Variants in ME2 observed in about 807,000 individuals in gnomAD.
The protein encoded by ME2 is NAD-dependent malic enzyme, mitochondrial.
Under a neutral mutation model 73.7 loss-of-function variants are expected in ME2, and 60 were observed. The ratio of observed to expected loss-of-function variants is 0.81; its 90% confidence interval spans 0.66 to 1.01. The LOEUF (loss-of-function observed/expected upper bound fraction) is 1.01. ME2 is among the 50% of genes least tolerant of loss of function. ME2 has a pLI of 0.00. For synonymous variants in ME2, 199 were observed against 236.9 expected, an observed-to-expected ratio of 0.84 and a Z score of 1.47; for missense variants, 594 against 705.5, an observed-to-expected ratio of 0.84 and a Z score of 1.79.
In ME2 at chr18:50,894,274, C is replaced by A. The variant is rs560863787; in HGVS notation, c.-12-1535C>A. Among the ~76,000 whole-genome samples the A allele has an allele frequency of 2.0e-5, 3 of 152,328 alleles. No individual in the cohort carries two copies. In the East Asian group the frequency reaches 5.8e-4, roughly 29 times the overall value. ...TGATCAAGCAACACATTTAAAACAT[C>A]CCTTTTTGGCCGGGCGCGGTGGCCC... On this transcript the variant is annotated intron_variant, in intron 1 of 15. Coordinates refer to ENST00000321341, the MANE Select transcript of ME2 (RefSeq NM_002396.5).
chr18:50,933,596 A>G (rs1404404007), intron 13 of ME2: 4 of 152,122 alleles, frequency 2.6e-5, no homozygotes, highest in Admixed American at 6.5e-5. Context: ...TAACATTTCT[A>G]TGGCCTAAAA....
chr18:50,907,985 T>A (rs1017762114), intron 2 of ME2, 78 bp from the exon 3 acceptor site: 20 of 1,131,196 alleles, frequency 1.8e-5, no homozygotes, highest in Non-Finnish European at 2.3e-5. Flanking sequence ...AATTTGCATT[T>A]AAATTATATT....
intron 13 of ME2, among the ~76,000 whole-genome samples, chr18:50,937,069 G>A (rs1429195090): frequency 1.3e-5 from 2 of 151,570 alleles, no homozygotes; most frequent in Admixed American, 6.6e-5. Flanking sequence ...AATCCGAAAA[G>A]CAAGAAAAAA....
chr18:50,908,360 T>G (rs1208556097), intron 3 of ME2, among the ~76,000 whole-genome samples, 164 bp downstream of exon 3: 2 of 152,252 alleles, frequency 1.3e-5, no homozygotes, highest in Non-Finnish European at 2.9e-5. Context: ...CGGTGAATAC[T>G]TCACAAGTAT....
intron 10 of ME2, among the ~76,000 whole-genome samples, chr18:50,922,992 G>C (rs1263150649): frequency 3.9e-5 from 6 of 152,154 alleles, no homozygotes; most frequent in African/African-American, 1.4e-4. Flanking sequence ...TTTGCATTCA[G>C]TATGTTTTTG....
Position 50,892,041 on chromosome 18 carries a change from G to A in ME2, c.-12-3768G>A, listed in dbSNP as rs187941151. On this transcript the variant is annotated intron_variant, in intron 1 of 15. Coordinates refer to ENST00000321341, the MANE Select transcript of ME2 (RefSeq NM_002396.5). The stretch of plus-strand genomic sequence containing the variant: ...TCACCATATTGACCATGCTGGTCTC[G>A]AACTGCTGAACTCAAACAATCTGCC... 9.1e-3 allele frequency among the ~76,000 whole-genome samples: 1,375 copies of A among 151,372 alleles called. 12 individuals carry two copies. The highest frequency in any genetic ancestry group is 0.012 in the Non-Finnish European group (809 of 67,902).
At chr18:50,890,466 A>G (rs988734152) in intron 1 of ME2, among the ~76,000 whole-genome samples, 5 of 152,312 alleles carry the variant, frequency 3.3e-5, no homozygotes, top group African/African-American at 9.6e-5. Context: ...AACAAATTCA[A>G]TCTCAGTCAG....
At chr18:50,883,596 C>T (rs974868475) in intron 1 of ME2, among the ~76,000 whole-genome samples, 13 of 152,188 alleles carry the variant, frequency 8.5e-5, no homozygotes, top group African/African-American at 2.9e-4. Flanking sequence ...GGTGTGGTGG[C>T]TCACACCTGT....
At chr18:50,920,824 A>T (rs1246638237) in intron 9 of ME2, 66 bp downstream of exon 9, 1 of 1,241,436 alleles carries the variant, frequency 8.1e-7, no homozygotes, top group African/African-American at 1.5e-5. Context: ...AATGGGCAGA[A>T]TATTGATGTT....
Position 50,947,879 on chromosome 18 carries a change from T to C in ME2, c.*695T>C, listed in dbSNP as rs1599132485. 6.6e-6 allele frequency: 1 copy of C among 152,164 alleles called. No homozygotes were observed. Among genetic ancestry groups the C allele is most frequent in the African/African-American group, 2.4e-5 (1 of 41,448 alleles). The allele number at this position is 152,164 out of a possible 1,614,324, so 9.4% of individuals were successfully genotyped here. A position where few individuals can be genotyped will look rare whatever the true frequency, so the allele number is the denominator to read the frequency against. ...GTGTAACCTTTTTATTTAATAAATA[T>C]CTTACATTTAATTGCTTCAGTTATG... is the stretch of plus-strand genomic sequence containing the variant. On this transcript the variant is annotated 3_prime_UTR_variant, in exon 16 of 16. Transcript: ENST00000321341.
intron 12 of ME2, among the ~76,000 whole-genome samples, chr18:50,930,040 G>C (rs112503362): frequency 2.0e-4 from 30 of 152,228 alleles, no homozygotes; most frequent in African/African-American, 7.2e-4. Context: ...ATCAAGGATT[G>C]CTTGAGCCCA....
At chr18:50,880,057 G>A (rs904324395) in intron 1 of ME2, among the ~76,000 whole-genome samples, 1 of 152,188 alleles carries the variant, frequency 6.6e-6, no homozygotes, top group African/African-American at 2.4e-5. Flanking sequence ...TTACCTTCCT[G>A]ATGCTTGTGG....
At position 50,920,774 on chromosome 18, in the gene ME2, T is replaced by A; in HGVS notation, c.942+16T>A. On this transcript the variant is annotated intron_variant, in intron 9 of 15. Transcript: ENST00000321341. ...AGCAGGAGAGGTAAGTTTTGAAGGC[T>A]TTTTGAAACTTAAGCCTATCCTCTC... 6.4e-7 allele frequency: 1 copy of A among 1,556,350 alleles called. No homozygotes were observed. Among genetic ancestry groups the A allele is most frequent in the Non-Finnish European group, 8.8e-7 (1 of 1,141,304 alleles).
intron 13 of ME2, among the ~76,000 whole-genome samples, chr18:50,936,186 A>G (rs1917816427): frequency 6.6e-6 from 1 of 152,232 alleles, no homozygotes; most frequent in Non-Finnish European, 1.5e-5. Flanking sequence ...CCTCAGTGAC[A>G]ATAAGATACC....
In ME2 at chr18:50,940,451, G is replaced by A. The variant is rs1917920751; in HGVS notation, c.1587+65G>A. ...ACATTTTCTTATACAAGAAATACAG[G>A]TTTATTAAGATAAATCTGAAACATT... is the stretch of plus-strand genomic sequence containing the variant. On this transcript the variant is annotated intron_variant, in intron 15 of 15. Transcript: ENST00000321341. 5.5e-6 allele frequency: 6 copies of A among 1,089,368 alleles called. No individual in the cohort carries two copies. In the South Asian group the frequency reaches 8.5e-5, roughly 15 times the overall value. The allele number at this position is 1,089,368 out of a possible 1,614,324, so 67.5% of individuals were successfully genotyped here. A position where few individuals can be genotyped will look rare whatever the true frequency, so the allele number is the denominator to read the frequency against.
chr18:50,945,967 T>C (rs1918072598), intron 15 of ME2, among the ~76,000 whole-genome samples: 1 of 152,104 alleles, frequency 6.6e-6, no homozygotes, highest in Non-Finnish European at 1.5e-5. Context: ...CTGGGGAGGC[T>C]GAGGCAGGAG....
chr18:50,935,945 G>GA (rs1917809312), intron 13 of ME2, among the ~76,000 whole-genome samples: 1 of 151,694 alleles, frequency 6.6e-6, no homozygotes, highest in Non-Finnish European at 1.5e-5. Context: ...AAATGAGAAT[G>GA]AAGCAGAGGC....
intron 3 of ME2, among the ~76,000 whole-genome samples, chr18:50,911,352 C>G (rs780673103): frequency 3.9e-5 from 6 of 152,110 alleles, no homozygotes; most frequent in Non-Finnish European, 8.8e-5. Context: ...ATCACGTCTC[C>G]TCATTTATTC....
At chr18:50,886,332 C>G (rs1452571553) in intron 1 of ME2, among the ~76,000 whole-genome samples, 1 of 151,670 alleles carries the variant, frequency 6.6e-6, no homozygotes, top group Non-Finnish European at 1.5e-5. Context: ...TAACCTTCAC[C>G]TCCCAGGTTC....
Sources: gnomAD v4.1 joint callset for allele counts (sites outside exome capture counted in the v4.1 genomes callset) on GRCh38, gnomAD v4.1.1 for gene constraint, MANE v1.5 for transcripts, NCBI Gene and HGNC (gene_info 2026-07-23, HGNC 2026-07-21) for gene names.